HSDL2: variants seen among roughly 807,000 people sequenced by gnomAD.
HSDL2 encodes the protein hydroxysteroid dehydrogenase like 2.
In HSDL2, 27 loss-of-function variants were observed where a neutral mutation model predicts 46.3. That is an observed-to-expected ratio of 0.58 (90% CI 0.43 to 0.80). The LOEUF is 0.80. Among genes scored for constraint, HSDL2 ranks in the 30% least tolerant of loss-of-function variants. The pLI is 0.00. For missense variants in HSDL2, 451 were observed against 502.7 expected, an observed-to-expected ratio of 0.90 and a Z score of 0.98; for synonymous variants, 153 against 163.6, an observed-to-expected ratio of 0.94 and a Z score of 0.50.
chr9:112,386,324 G>A (rs1246168851), intron 1 of HSDL2, among the ~76,000 whole-genome samples: 2 of 151,992 alleles, frequency 1.3e-5, no homozygotes, highest in East Asian at 1.9e-4. Flanking sequence ...AGTAAATAAG[G>A]TGTAAGACAG....
intron 8 of HSDL2, among the ~76,000 whole-genome samples, chr9:112,442,090 C>T (rs892333273): frequency 3.3e-5 from 5 of 151,022 alleles, no homozygotes; most frequent in Admixed American, 6.6e-5. Flanking sequence ...GGCGAAACCC[C>T]GTCTCTACAA....
chr9:112,412,319 T>A (rs1458661353), intron 4 of HSDL2, among the ~76,000 whole-genome samples: 1 of 152,212 alleles, frequency 6.6e-6, no homozygotes, highest in African/African-American at 2.4e-5. Context: ...TGAAATGACT[T>A]CCAAGGTATT....
chr9:112,438,300 T>C (rs1832570827), intron 6 of HSDL2, 131 bp from the exon 7 acceptor site: 1 of 665,678 alleles, frequency 1.5e-6, no homozygotes, highest in Admixed American at 4.2e-5. Context: ...ATCTGGACTT[T>C]GTTTTCATCA....
At chr9:112,397,119 T>C (rs1409187239) in intron 1 of HSDL2, among the ~76,000 whole-genome samples, 1 of 152,188 alleles carries the variant, frequency 6.6e-6, no homozygotes, top group Non-Finnish European at 1.5e-5. Flanking sequence ...GCTTGGCTGC[T>C]TTTAAGTTTT....
chr9:112,431,748 C>G (rs560735045), intron 6 of HSDL2, among the ~76,000 whole-genome samples: 1 of 152,120 alleles, frequency 6.6e-6, no homozygotes, highest in African/African-American at 2.4e-5. Flanking sequence ...CACCTTCCAC[C>G]GTGAGTACAA....
intron 10 of HSDL2, among the ~76,000 whole-genome samples, chr9:112,463,168 A>G (rs1166524529): frequency 6.6e-6 from 1 of 151,962 alleles, no homozygotes; most frequent in East Asian, 1.9e-4. Context: ...ACATTCTCAT[A>G]CATGTTATCA....
At chr9:112,405,872 C>G (rs956307492) in intron 3 of HSDL2, 150 bp downstream of exon 3, 1 of 573,014 alleles carries the variant, frequency 1.7e-6, no homozygotes, top group African/African-American at 1.9e-5. Flanking sequence ...TTAAAACCAT[C>G]TGATAAGGCT....
Position 112,470,594 on chromosome 9 carries a change from G to C in HSDL2, c.*50G>C. The C allele has an allele frequency of 3.1e-6, 3 of 964,154 alleles. No individual in the cohort carries two copies. The highest frequency in any genetic ancestry group is 4.8e-6 in the Non-Finnish European group (3 of 629,374). 59.7% of individuals were successfully genotyped at this position (964,154 alleles called of 1,614,324 possible). A position where few individuals can be genotyped will look rare whatever the true frequency, so the allele number is the denominator to read the frequency against. ...CTGCTATGCTCAAAAAGTAAAAAAA[G>C]CTCAACAGTTAAAATCTAATGTTTG... On this transcript the variant is annotated 3_prime_UTR_variant, in exon 11 of 11. Transcript: ENST00000398805.
intron 7 of HSDL2, chr9:112,438,893 A>C (rs1488147430): frequency 8.8e-6 from 2 of 226,552 alleles, no homozygotes; most frequent in Non-Finnish European, 1.7e-5. Context: ...GCCACTTCTA[A>C]ATCTCGAAAT....
chr9:112,435,675 G>T (rs1832508509), intron 6 of HSDL2, among the ~76,000 whole-genome samples: 1 of 151,798 alleles, frequency 6.6e-6, no homozygotes, highest in Non-Finnish European at 1.5e-5. Flanking sequence ...CCTGGCACAG[G>T]GTACACTTAA....
At chr9:112,434,189 C>G (rs1385753864) in intron 6 of HSDL2, 1 of 152,134 alleles carries the variant, frequency 6.6e-6, no homozygotes, top group Non-Finnish European at 1.5e-5. Context: ...CATGACTGGT[C>G]TGGGCAAGTA....
chr9:112,442,879 T>C (rs1832672297), intron 8 of HSDL2, among the ~76,000 whole-genome samples: 1 of 152,156 alleles, frequency 6.6e-6, no homozygotes, highest in African/African-American at 2.4e-5. Flanking sequence ...TATTCTTTAT[T>C]ATTTATCTTT....
intron 6 of HSDL2, among the ~76,000 whole-genome samples, chr9:112,435,925 G>A (rs1399506429): frequency 6.6e-6 from 1 of 151,656 alleles, no homozygotes; most frequent in Non-Finnish European, 1.5e-5. Context: ...ATTAATAAAG[G>A]ATCAGTTCAA....
chr9:112,470,090 CG>C (rs1442067995), intron 10 of HSDL2, among the ~76,000 whole-genome samples: 1 of 152,126 alleles, frequency 6.6e-6, no homozygotes, highest in Non-Finnish European at 1.5e-5. Flanking sequence ...AATGAACTAT[CG>C]TAAGTTGGAA....
intron 6 of HSDL2, among the ~76,000 whole-genome samples, chr9:112,422,692 G>A (rs1338981783): frequency 3.3e-5 from 5 of 152,100 alleles, no homozygotes; most frequent in African/African-American, 1.2e-4. Flanking sequence ...AACAATAATT[G>A]AATGAATAAT....
chr9:112,411,765 C>T (rs578201295), intron 4 of HSDL2, among the ~76,000 whole-genome samples: 2 of 152,156 alleles, frequency 1.3e-5, no homozygotes, highest in East Asian at 3.9e-4. Flanking sequence ...ATAAAATAGG[C>T]AATGTTGCTA....
chr9:112,413,970 T>C, intron 4 of HSDL2: 1 of 223,360 alleles, frequency 4.5e-6, no homozygotes, highest in Non-Finnish European at 9.0e-6. Flanking sequence ...TAGAACTTTT[T>C]TTAAAAAGAG....
chr9:112,420,801 A>G (rs139173849), intron 6 of HSDL2, among the ~76,000 whole-genome samples: 1,555 of 152,328 alleles, frequency 0.01, 26 homozygotes, highest in African/African-American at 0.035. Flanking sequence ...CTAATGTAAC[A>G]TCATATACAT....
chr9:112,403,564 T>TG (rs1831655569), intron 1 of HSDL2, among the ~76,000 whole-genome samples: 1 of 152,088 alleles, frequency 6.6e-6, no homozygotes, highest in South Asian at 2.1e-4. Context: ...TTATTTTAAG[T>TG]GGTATGTAGT....
Sources: allele counts gnomAD v4.1 joint callset (sites outside exome capture counted in the v4.1 genomes callset), GRCh38; gene constraint gnomAD v4.1.1; transcripts MANE v1.5; gene names NCBI Gene and HGNC (gene_info 2026-07-23, HGNC 2026-07-21).